Variants in RNF20 observed in about 807,000 individuals in gnomAD.
The protein encoded by RNF20 is ring finger protein 20.
A neutral mutation model predicts 126.2 loss-of-function variants in RNF20; 84 were observed. That is an observed-to-expected ratio of 0.67 (90% confidence interval 0.56 to 0.80). The LOEUF is 0.80. RNF20 is among the 30% of genes least tolerant of loss of function. RNF20 has a pLI of 0.00. For synonymous variants in RNF20, 400 were observed against 414.3 expected (o/e 0.97, Z 0.42); for missense variants, 869 against 1,188.2 (o/e 0.73, Z 3.95).
At position 101,561,088 on chromosome 9, in the gene RNF20, A is replaced by T; in HGVS notation, c.2509-2A>T. 1 of 1,613,404 alleles carries T rather than the reference A, an allele frequency of 6.2e-7. No homozygotes were observed. The highest frequency in any genetic ancestry group is 2.2e-5 in the East Asian group (1 of 44,846). ...TGTCACTTATTTGTACATCCTACAT[A>T]GGCAATGGAGGCAGCCCAGCTTGCA... On this transcript the variant is annotated splice_acceptor_variant, in intron 17 of 19. Coordinates refer to ENST00000389120, the MANE Select transcript of RNF20 (RefSeq NM_019592.7). LOFTEE classifies it high-confidence loss of function.
Position 101,536,673 on chromosome 9 carries a change from G to C in RNF20, c.129+1121G>C, listed in dbSNP as rs180717214. Among the ~76,000 whole-genome samples the C allele has an allele frequency of 2.1e-3, 316 of 152,310 alleles. 2 individuals carry two copies. Among genetic ancestry groups the C allele is most frequent in the African/African-American group, 6.9e-3 (285 of 41,562 alleles). ...CACTGAAGACAGCCCCTAGACTTTA[G>C]TTTGTAGGGTAGCACTGACAAGGGA... On this transcript the variant is annotated intron_variant, in intron 2 of 19. Transcript: ENST00000389120.
intron 5 of RNF20, 136 bp downstream of exon 5, chr9:101,541,111 C>A: frequency 1.7e-6 from 1 of 594,544 alleles, no homozygotes; most frequent in Non-Finnish European, 2.6e-6. Context: ...TAAGGTTTCA[C>A]TGTGTCACCC....
chr9:101,558,602 G>A (rs1198090296), intron 16 of RNF20, among the ~76,000 whole-genome samples: 1 of 152,030 alleles, frequency 6.6e-6, no homozygotes, highest in Non-Finnish European at 1.5e-5. Flanking sequence ...GGCCATTCCT[G>A]CAAAGTGAGG....
chr9:101,539,141 G>T (rs780163237), intron 2 of RNF20, among the ~76,000 whole-genome samples: 1 of 152,216 alleles, frequency 6.6e-6, no homozygotes, highest in Non-Finnish European at 1.5e-5. Context: ...TTTGTATGAT[G>T]TAAAAGGGGG....
intron 9 of RNF20, among the ~76,000 whole-genome samples, chr9:101,549,819 G>T (rs1199787147): frequency 6.6e-6 from 1 of 152,076 alleles, no homozygotes; most frequent in Non-Finnish European, 1.5e-5. Flanking sequence ...GTTTTTCCTA[G>T]GTTATGATTA....
At chr9:101,550,855 A>G in intron 10 of RNF20, 70 bp downstream of exon 10, 29 of 1,303,316 alleles carry the variant, frequency 2.2e-5, no homozygotes, top group Non-Finnish European at 3.0e-5. Context: ...TTACTCCCTC[A>G]TGTGCAATTA....
intron 13 of RNF20, 67 bp downstream of exon 13, chr9:101,552,820 G>A: frequency 7.0e-7 from 1 of 1,437,158 alleles, no homozygotes; most frequent in Non-Finnish European, 9.4e-7. Flanking sequence ...TGCATGAAAT[G>A]TTTGGTTGAT....
At chr9:101,539,517 T>A (rs1229235300) in intron 2 of RNF20, among the ~76,000 whole-genome samples, 1 of 152,174 alleles carries the variant, frequency 6.6e-6, no homozygotes, top group Non-Finnish European at 1.5e-5. Context: ...AGAAAAGAAT[T>A]CAACATTCTG....
At chr9:101,560,385 C>T (rs1278606331) in intron 16 of RNF20, among the ~76,000 whole-genome samples, 6 of 152,204 alleles carry the variant, frequency 3.9e-5, no homozygotes, top group South Asian at 2.1e-4. Context: ...TTACTTTTTA[C>T]ACTTTAATAT....
At chr9:101,560,966 A>T (rs762523058) in intron 17 of RNF20, 40 bp downstream of exon 17, 13 of 1,603,430 alleles carry the variant, frequency 8.1e-6, no homozygotes, top group Non-Finnish European at 1.1e-5. Flanking sequence ...TCTCAGTGGA[A>T]CAAATAAGTA....
chr9:101,562,852 G>C lies in RNF20; in HGVS notation c.*430G>C, dbSNP rs1187783020. 1 of 154,004 alleles carries C rather than the reference G, an allele frequency of 6.5e-6. No individual in the cohort carries two copies. Among genetic ancestry groups the C allele is most frequent in the Non-Finnish European group, 1.4e-5 (1 of 69,072 alleles). The allele number at this position is 154,004 out of a possible 1,614,324, so 9.5% of individuals were successfully genotyped here. ...ATTTTAAAAAATAAGTTGTCTATGG[G>C]CACAAAGTTTTCTTCATTTGTGTAG... On this transcript the variant is annotated 3_prime_UTR_variant, in exon 20 of 20. Coordinates refer to ENST00000389120, the MANE Select transcript of RNF20 (RefSeq NM_019592.7).
At position 101,557,520 on chromosome 9, in the gene RNF20, A is replaced by G. The variant is rs748279042; in HGVS notation, c.2306A>G (p.Lys769Arg). The G allele has an allele frequency of 1.2e-6, 2 of 1,614,082 alleles. No individual in the cohort carries two copies. Among genetic ancestry groups the G allele is most frequent in the Non-Finnish European group, 1.7e-6 (2 of 1,179,942 alleles). ...TTCAAGCTCATGTCAGAGCGTATCA[A>G]GTCCAATCAGATCCATAAGTTGCTT... ...ANFKLMSERI[K>R]SNQIHKLLKE... The change falls in exon 16 of 20, where the codon AAG becomes AGG. Residue 769 changes from lysine (K) to arginine (R), a missense_variant. Coordinates refer to ENST00000389120, the MANE Select transcript of RNF20 (RefSeq NM_019592.7).
chr9:101,554,637 G>A, intron 14 of RNF20, 57 bp from the exon 15 acceptor site: 1 of 1,488,762 alleles, frequency 6.7e-7, no homozygotes, highest in Non-Finnish European at 9.2e-7. Context: ...AGTATTAATT[G>A]ATTTTTGAAA....
At chr9:101,559,830 GATA>G (rs1827598023) in intron 16 of RNF20, among the ~76,000 whole-genome samples, 1 of 152,066 alleles carries the variant, frequency 6.6e-6, no homozygotes, top group South Asian at 2.1e-4. Context: ...CTAGGTATAT[GATA>G]ATGTAATCAG....
In RNF20 at chr9:101,540,219, G is replaced by C. The variant is rs1198362739; in HGVS notation, c.146G>C (p.Arg49Thr). The C allele has an allele frequency of 2.5e-6, 4 of 1,613,948 alleles. No individual in the cohort carries two copies. Among genetic ancestry groups the C allele is most frequent in the Non-Finnish European group, 2.5e-6 (3 of 1,180,012 alleles). ...GVSSTEELDI[R>T]TLQTKNRKLA... ...ACTGGGCAGGAGGAACTAGACATTA[G>C]AACACTGCAAACCAAAAATCGCAAG... Residue 49 changes from arginine (R) to threonine (T), a missense_variant, in exon 3 of 20, where the codon AGA becomes ACA. Physicochemically the swap from Arg to Thr is moderately conservative, Grantham distance 71. This residue lies in a region of RNF20 where 157 missense variants were observed against 236.0 expected (regional missense o/e 0.67). Coordinates refer to ENST00000389120, the MANE Select transcript of RNF20 (RefSeq NM_019592.7).
At position 101,543,372 on chromosome 9, in the gene RNF20, G is replaced by A. The variant is rs528179180; in HGVS notation, c.629-1395G>A. 2.8e-4 allele frequency among the ~76,000 whole-genome samples: 41 copies of A among 144,642 alleles called. No individual in the cohort carries two copies. The East Asian group carries it at 7.9e-3, about 28-fold the overall frequency. 94.9% of individuals were successfully genotyped at this position (144,642 alleles called of 152,430 possible). ...GGGCGGCACTGTCTAACCCTGCCAG[G>A]GCGGCACTGTCTAACCTGCCAGAGC... is the stretch of plus-strand genomic sequence containing the variant. On this transcript the variant is annotated intron_variant, in intron 5 of 19. Transcript: ENST00000389120.
intron 9 of RNF20, among the ~76,000 whole-genome samples, chr9:101,548,003 G>A (rs533505548): frequency 6.6e-6 from 1 of 152,112 alleles, no homozygotes; most frequent in African/African-American, 2.4e-5. Flanking sequence ...AAAAACAATT[G>A]TGTGTCTATA....
intron 2 of RNF20, 130 bp downstream of exon 2, chr9:101,535,682 AAGT>A: frequency 1.1e-6 from 1 of 929,998 alleles, no homozygotes; most frequent in South Asian, 1.8e-5. Flanking sequence ...AACAGGCTGA[AAGT>A]AGGTAAAATG....
chr9:101,550,612 T>C lies in RNF20; in HGVS notation c.1099T>C (p.Leu367=). 6.2e-7 allele frequency: 1 copy of C among 1,613,712 alleles called. No homozygotes were observed. Among genetic ancestry groups the C allele is most frequent in the Admixed American group, 1.7e-5 (1 of 59,976 alleles). ...TGCTTTGGGCCCTCCTAAGGTGGAATTGCGGAGTGCAGTGGAGCAAGTCGT... is the reference window on the plus strand; with the variant it reads ...TGCTTTGGGCCCTCCTAAGGTGGAACTGCGGAGTGCAGTGGAGCAAGTCGT... ...TTQNEKLKVE[L]RSAVEQVVKE... is the part of the protein sequence containing the mutation. The change falls in exon 10 of 20, where the codon TTG becomes CTG. Residue 367 remains leucine, a synonymous_variant. Coordinates refer to ENST00000389120, the MANE Select transcript of RNF20 (RefSeq NM_019592.7).
Sources: allele counts gnomAD v4.1 joint callset (sites outside exome capture counted in the v4.1 genomes callset), GRCh38; gene constraint gnomAD v4.1.1; regional missense constraint gnomAD v4.1.1; transcripts MANE v1.5; gene names NCBI Gene and HGNC (gene_info 2026-07-23, HGNC 2026-07-21).